The following JAKMIP1 variants were observed in gnomAD, a reference collection of about 807,000 sequenced individuals.
The protein encoded by JAKMIP1 is janus kinase and microtubule-interacting protein 1.
JAKMIP1 carries 33 observed loss-of-function variants against 113.0 expected under a neutral mutation model. That is an observed-to-expected ratio of 0.29 (90% CI 0.22 to 0.39). The LOEUF (loss-of-function observed/expected upper bound fraction) is 0.39, where lower values mean the gene tolerates loss of function less well. Ranked by LOEUF, JAKMIP1 falls within the 10% of genes least tolerant of loss-of-function variation. The pLI, the probability that JAKMIP1 is intolerant of heterozygous loss-of-function variation, is 1.00. For missense variants in JAKMIP1, 813 were observed against 1,080.5 expected (o/e 0.75, Z 3.47); for synonymous variants, 480 against 459.9 (o/e 1.04, Z -0.56).
intron 1 of JAKMIP1, among the ~76,000 whole-genome samples, chr4:6,132,889 C>T (rs185540616): frequency 1.3e-5 from 2 of 152,172 alleles, no homozygotes; most frequent in East Asian, 1.9e-4. Flanking sequence ...TTTCAAGACT[C>T]GCATGCACAA....
intron 3 of JAKMIP1, among the ~76,000 whole-genome samples, chr4:6,100,695 G>A (rs990650060): frequency 6.6e-6 from 1 of 152,016 alleles, no homozygotes; most frequent in Non-Finnish European, 1.5e-5. Context: ...AGTCCTATCA[G>A]AATGACGGTA....
chr4:6,145,549 G>A (rs924023992), intron 1 of JAKMIP1, among the ~76,000 whole-genome samples: 1 of 152,034 alleles, frequency 6.6e-6, no homozygotes, highest in Non-Finnish European at 1.5e-5. Flanking sequence ...ATATTCAAAA[G>A]AATAAGAGCT....
rs1226110996 is a variant in JAKMIP1 at position 6,179,827 on chromosome 4, C to G, written c.-148+20426G>C. 6.6e-6 allele frequency among the ~76,000 whole-genome samples: 1 copy of G among 152,212 alleles called. No individual in the cohort carries two copies. Among genetic ancestry groups the G allele is most frequent in the Non-Finnish European group, 1.5e-5 (1 of 68,038 alleles). ...AGGTAGCAATATTATCCCCATATGA[C>G]AGATAAGGAAACTGAGGCTCAAAGA... is the stretch of plus-strand genomic sequence containing the variant. On this transcript the variant is annotated intron_variant, in intron 1 of 20. Transcript: ENST00000409021. This position sits in a 1 kb window ranked among gnomAD's most constrained non-coding sequence, Gnocchi z 4.5.
chr4:6,160,802 C>T (rs1202798531), intron 1 of JAKMIP1, among the ~76,000 whole-genome samples: 3 of 151,752 alleles, frequency 2.0e-5, no homozygotes, highest in African/African-American at 7.3e-5. Flanking sequence ...AGCTCCCGCA[C>T]CTCCACTCAC....
chr4:6,106,140 C>T lies in JAKMIP1; in HGVS notation c.130-173G>A, dbSNP rs1490255035. 6.6e-6 allele frequency among the ~76,000 whole-genome samples: 1 copy of T among 152,202 alleles called. No homozygotes were observed. The highest frequency in any genetic ancestry group is 1.5e-5 in the Non-Finnish European group (1 of 68,032). ...GTGCCCTGCAGGCCTGACCCTCCTGCCAGCCCCACTTAGAATCTCTCCTGC... is the reference window on the plus strand; with the variant it reads ...GTGCCCTGCAGGCCTGACCCTCCTGTCAGCCCCACTTAGAATCTCTCCTGC... On this transcript the variant is annotated intron_variant, in intron 2 of 20. Coordinates refer to ENST00000409021, the MANE Select transcript of JAKMIP1 (RefSeq NM_001099433.2). The surrounding 1 kb of genome is among the most constrained non-coding windows in gnomAD (Gnocchi z 5.9).
Position 6,199,808 on chromosome 4 carries a change from G to T in JAKMIP1, c.-148+445C>A, listed in dbSNP as rs993047498. On this transcript the variant is annotated intron_variant, in intron 1 of 20. Transcript: ENST00000409021. The surrounding 1 kb of genome is among the most constrained non-coding windows in gnomAD (Gnocchi z 5.6). ...GATCTGGGGGACTGTGACCTACCCT[G>T]CGGAAGACACGGAGGGGACGGGCCG... Among the ~76,000 whole-genome samples, 24 of 151,484 alleles carry T rather than the reference G, an allele frequency of 1.6e-4. No individual in the cohort carries two copies. The highest frequency in any genetic ancestry group is 3.5e-4 in the Non-Finnish European group (24 of 67,768).
At chr4:6,070,532 T>C (rs1352011579) in intron 8 of JAKMIP1, among the ~76,000 whole-genome samples, 1 of 152,236 alleles carries the variant, frequency 6.6e-6, no homozygotes, top group African/African-American at 2.4e-5. Flanking sequence ...TCTGGGGACC[T>C]TCCTCCCAGA....
intron 1 of JAKMIP1, among the ~76,000 whole-genome samples, chr4:6,166,216 G>A (rs1057424593): frequency 3.9e-5 from 6 of 152,192 alleles, no homozygotes; most frequent in African/African-American, 1.2e-4. Context: ...TGACAGATAC[G>A]ACATGTAAAA....
intron 13 of JAKMIP1, 144 bp downstream of exon 13, chr4:6,053,906 A>G (rs547181471): frequency 4.0e-4 from 611 of 1,532,170 alleles, no homozygotes; most frequent in Non-Finnish European, 4.7e-4. Context: ...TTTAAAAAAA[A>G]AAAGAAAGAA....
At position 6,078,939 on chromosome 4, in the gene JAKMIP1, C is replaced by T. The variant is rs1720087618; in HGVS notation, c.1302G>A (p.Lys434=). Residue 434 remains lysine (K), a splice_region_variant and synonymous_variant, in exon 8 of 21, where the codon AAG becomes AAA. Coordinates refer to ENST00000409021, the MANE Select transcript of JAKMIP1 (RefSeq NM_001099433.2). The part of the protein sequence containing the change: ...RHRGKSLKPP[K]KHVVETFFGF... ...GGCAGGTGCACCATCGCAGGCTCAC[C>T]TTGGGCGGTTTCAGACTTTTCCCTC... is the stretch of plus-strand genomic sequence containing the variant. 6.2e-7 allele frequency: 1 copy of T among 1,614,066 alleles called. No individual in the cohort carries two copies. Among genetic ancestry groups the T allele is most frequent in the Non-Finnish European group, 8.5e-7 (1 of 1,180,030 alleles).
At position 6,034,283 on chromosome 4, in the gene JAKMIP1, C is replaced by T. The variant is rs118030660; in HGVS notation, c.2379+1621G>A. 3.8e-4 allele frequency among the ~76,000 whole-genome samples: 53 copies of T among 138,576 alleles called. 1 individual carries two copies. In the East Asian group the frequency reaches 8.5e-3, roughly 22 times the overall value. 90.9% of individuals were successfully genotyped at this position (138,576 alleles called of 152,430 possible). A position where few individuals can be genotyped will look rare whatever the true frequency, so the allele number is the denominator to read the frequency against. On this transcript the variant is annotated intron_variant, in intron 19 of 20. Transcript: ENST00000409021. ...ATCCCCATGAGGAAGACAGTGAGGC[C>T]CAGAGAGGTTAAATAATTTGTCCAA... is the stretch of plus-strand genomic sequence containing the variant.
intron 1 of JAKMIP1, among the ~76,000 whole-genome samples, chr4:6,152,487 C>A (rs117515314): frequency 1.7e-4 from 26 of 152,124 alleles, no homozygotes; most frequent in African/African-American, 6.3e-4. Context: ...TGTGTCCGCA[C>A]GAATAAAAGG....
rs992932767 is a variant in JAKMIP1 at position 6,184,242 on chromosome 4, A to G, written c.-148+16011T>C. ...GTCCTGTGAGTATCATCCCTTCTCA[A>G]TAGGCAGAAACCAGGTGCCCAGCAC... On this transcript the variant is annotated intron_variant, in intron 1 of 20. Transcript: ENST00000409021. The surrounding 1 kb of genome is among the most constrained non-coding windows in gnomAD (Gnocchi z 4.5). 6.6e-6 allele frequency among the ~76,000 whole-genome samples: 1 copy of G among 152,200 alleles called. No individual in the cohort carries two copies. The highest frequency in any genetic ancestry group is 2.4e-5 in the African/African-American group (1 of 41,462).
rs145464583 is a variant in JAKMIP1, at chr4:6,055,256, G to C, written c.1708-1108C>G. On this transcript the variant is annotated intron_variant, in intron 12 of 20. Coordinates refer to ENST00000409021, the MANE Select transcript of JAKMIP1 (RefSeq NM_001099433.2). ...CCAGGGGCCGGGAGGCAGGGCAGAG[G>C]GGGGACTGCACATGGGCAGGAGGGG... Among the ~76,000 whole-genome samples the C allele has an allele frequency of 4.3e-4, 65 of 152,254 alleles. No individual in the cohort carries two copies. The East Asian group carries it at 7.3e-3, about 17-fold the overall frequency.
chr4:6,126,664 C>A (rs1456733547), intron 1 of JAKMIP1, among the ~76,000 whole-genome samples: 8 of 148,878 alleles, frequency 5.4e-5, no homozygotes, highest in African/African-American at 2.0e-4. Context: ...CCACACATGC[C>A]CCCCCCACAC....
At chr4:6,127,397 T>C (rs556666963) in intron 1 of JAKMIP1, among the ~76,000 whole-genome samples, 1 of 152,218 alleles carries the variant, frequency 6.6e-6, no homozygotes, top group Middle Eastern at 3.4e-3. Flanking sequence ...GAAGGAAAGA[T>C]GGGAAGCAGA....
chr4:6,080,278 C>T lies in JAKMIP1; in HGVS notation c.1136G>A (p.Arg379Gln), dbSNP rs781386208. The change falls in exon 7 of 21, where the codon CGG (arginine) becomes CAG (glutamine). Residue 379 changes from arginine to glutamine, a missense_variant. Coordinates refer to ENST00000409021, the MANE Select transcript of JAKMIP1 (RefSeq NM_001099433.2). This position sits in a 1 kb window ranked among gnomAD's most constrained non-coding sequence, Gnocchi z 6.0. The part of the protein sequence containing the change: ...EKLSAQASLK[R>Q]HTSLNDLSLT... The stretch of plus-strand genomic sequence containing the variant: ...GCTGAGGTCATTCAAGGAGGTATGC[C>T]GCTTCAGAGACGCCTGCGCTGACAG... 22 of 1,614,054 alleles carry T rather than the reference C, an allele frequency of 1.4e-5. No homozygotes were observed. The highest frequency in any genetic ancestry group is 4.5e-5 in the East Asian group (2 of 44,902).
chr4:6,085,993 C>G (rs959636412), intron 3 of JAKMIP1, among the ~76,000 whole-genome samples: 1 of 145,406 alleles, frequency 6.9e-6, no homozygotes, highest in African/African-American at 2.8e-5. Context: ...CTTCTCTCTC[C>G]GTCTCCAGGA....
chr4:6,139,123 T>TCTCCTCTGGA lies in JAKMIP1; in HGVS notation c.-147-26136_-147-26127dup, dbSNP rs1719716621. On this transcript the variant is annotated intron_variant, in intron 1 of 20. Transcript: ENST00000409021. The surrounding 1 kb of genome is among the most constrained non-coding windows in gnomAD (Gnocchi z 5.2). ...ACACACACCAGCAGGTCAGCCCTGC[T>TCTCCTCTGGA]CTCCTCTGGACTCCTCTTATGCCTG... Among the ~76,000 whole-genome samples the TCTCCTCTGGA allele has an allele frequency of 6.6e-6, 1 of 151,644 alleles. No individual in the cohort carries two copies. The highest frequency in any genetic ancestry group is 1.5e-5 in the Non-Finnish European group (1 of 67,970).
Sources: allele counts gnomAD v4.1 joint callset (sites outside exome capture counted in the v4.1 genomes callset), GRCh38; gene constraint gnomAD v4.1.1; non-coding constraint Gnocchi (gnomAD v3.1); transcripts MANE v1.5; gene names NCBI Gene and HGNC (gene_info 2026-07-23, HGNC 2026-07-21).